Variants in CNGB3 observed in about 807,000 individuals in gnomAD.
CNGB3 encodes cyclic nucleotide gated channel subunit beta 3, also known as cyclic nucleotide-gated channel beta-3.
A neutral mutation model predicts 92.8 loss-of-function variants in CNGB3; 86 were observed. That is an observed-to-expected ratio of 0.93 (90% CI 0.78 to 1.11). The LOEUF (loss-of-function observed/expected upper bound fraction) is 1.11, where lower values mean the gene tolerates loss of function less well. Among genes scored for constraint, CNGB3 ranks in the 50% least tolerant of loss-of-function variants. CNGB3 has a pLI of 0.00. For synonymous variants in CNGB3, 333 were observed against 332.7 expected (o/e 1.00, Z -0.01); for missense variants, 1,026 against 956.8 (o/e 1.07, Z -0.95).
chr8:86,586,206 G>T (rs1164030530), intron 15 of CNGB3, among the ~76,000 whole-genome samples: 1 of 152,154 alleles, frequency 6.6e-6, no homozygotes, highest in Non-Finnish European at 1.5e-5. Context: ...CTATAAAGAT[G>T]ATTAACACCT....
At chr8:86,581,217 G>T (rs1361396711) in intron 15 of CNGB3, among the ~76,000 whole-genome samples, 1 of 152,164 alleles carries the variant, frequency 6.6e-6, no homozygotes, top group African/African-American at 2.4e-5. Flanking sequence ...GGAGAGAGAG[G>T]TGAATCCATA....
At chr8:86,610,811 A>G (rs1176106904) in intron 14 of CNGB3, among the ~76,000 whole-genome samples, 1 of 152,154 alleles carries the variant, frequency 6.6e-6, no homozygotes, top group Admixed American at 6.5e-5. Flanking sequence ...ATATGCAAAA[A>G]TATTTATCTG....
In CNGB3 at chr8:86,644,692, T is replaced by G. The variant is rs766638062; in HGVS notation, c.991-6A>C. The G allele has an allele frequency of 1.3e-6, 2 of 1,517,684 alleles. No individual in the cohort carries two copies. The highest frequency in any genetic ancestry group is 1.8e-6 in the Non-Finnish European group (2 of 1,128,684). The allele number at this position is 1,517,684 out of a possible 1,614,324, so 94.0% of individuals were successfully genotyped here. A position where few individuals can be genotyped will look rare whatever the true frequency, so the allele number is the denominator to read the frequency against. On this transcript the variant is annotated splice_region_variant and splice_polypyrimidine_tract_variant and intron_variant, in intron 8 of 17. Transcript: ENST00000320005. ...AATTCAAAAAATGAAGTGTACTATA[T>G]AGAAAAGCAAAAGAAATCCAAAAGC...
At chr8:86,584,584 C>G (rs1222496921) in intron 15 of CNGB3, among the ~76,000 whole-genome samples, 1 of 144,206 alleles carries the variant, frequency 6.9e-6, no homozygotes, top group African/African-American at 2.5e-5. Flanking sequence ...TTTTTTTTTT[C>G]ATCTTGTCCA....
rs185515820 is a variant in CNGB3, at chr8:86,731,610, A to T, written c.212-4953T>A. On this transcript the variant is annotated intron_variant, in intron 2 of 17. Coordinates refer to ENST00000320005, the MANE Select transcript of CNGB3 (RefSeq NM_019098.5). ...TAGAAAACACATTTTATATATAGGT[A>T]TTAAGGAGTGTGATGAGTTACCAGT... 1.0e-2 allele frequency among the ~76,000 whole-genome samples: 1,516 copies of T among 152,276 alleles called. 9 individuals carry two copies. The highest frequency in any genetic ancestry group is 0.013 in the Non-Finnish European group (907 of 68,024).
chr8:86,695,267 G>T (rs1476966729), intron 3 of CNGB3, among the ~76,000 whole-genome samples: 1 of 152,190 alleles, frequency 6.6e-6, no homozygotes, highest in African/African-American at 2.4e-5. Flanking sequence ...GCTTCGGCTC[G>T]GCATCAGAGG....
chr8:86,599,305 C>T (rs1051365039), intron 15 of CNGB3, among the ~76,000 whole-genome samples: 16 of 152,158 alleles, frequency 1.1e-4, no homozygotes, highest in African/African-American at 1.7e-4. Context: ...TCATCATCTT[C>T]GTAAACTGAG....
chr8:86,657,237 C>T (rs1823526994), intron 6 of CNGB3, among the ~76,000 whole-genome samples: 2 of 152,152 alleles, frequency 1.3e-5, no homozygotes, highest in Non-Finnish European at 2.9e-5. Context: ...AAAGGGTCTG[C>T]ACTTGTTTGT....
intron 15 of CNGB3, among the ~76,000 whole-genome samples, chr8:86,596,983 A>C (rs538447606): frequency 2.2e-4 from 34 of 151,686 alleles, no homozygotes; most frequent in Admixed American, 2.2e-3. Flanking sequence ...CAACGAGAAC[A>C]CATGGAGACA....
At chr8:86,576,659 C>T (rs568509664) in intron 17 of CNGB3, among the ~76,000 whole-genome samples, 3 of 152,230 alleles carry the variant, frequency 2.0e-5, no homozygotes, top group Admixed American at 6.5e-5. Context: ...TTGTACCTAT[C>T]GTGTTTAGCA....
chr8:86,700,329 T>C (rs560483611), intron 3 of CNGB3, among the ~76,000 whole-genome samples: 3 of 152,344 alleles, frequency 2.0e-5, no homozygotes, highest in African/African-American at 7.2e-5. Context: ...ATTTTTTTAA[T>C]ACTAAGAACC....
At chr8:86,620,634 C>G (rs1822706407) in intron 13 of CNGB3, among the ~76,000 whole-genome samples, 1 of 152,166 alleles carries the variant, frequency 6.6e-6, no homozygotes, top group South Asian at 2.1e-4. Context: ...ACGCATCCTT[C>G]TAGGTCCCAC....
chr8:86,680,368 G>T (rs1408530744), intron 3 of CNGB3, among the ~76,000 whole-genome samples: 1 of 152,122 alleles, frequency 6.6e-6, no homozygotes, highest in African/African-American at 2.4e-5. Flanking sequence ...TGATGTTAAT[G>T]AAAAAAACCA....
chr8:86,726,743 G>T, intron 2 of CNGB3, 86 bp from the exon 3 acceptor site: 2 of 1,499,396 alleles, frequency 1.3e-6, no homozygotes, highest in Non-Finnish European at 1.9e-6. Flanking sequence ...CAAAGATGCT[G>T]CTTGTTTTTT....
intron 15 of CNGB3, chr8:86,594,682 C>T: frequency 5.9e-6 from 1 of 168,778 alleles, no homozygotes; most frequent in South Asian, 1.1e-4. Context: ...TTGCCCCTGG[C>T]TTTAGACAGC....
chr8:86,659,097 T>C, intron 6 of CNGB3: 1 of 761,038 alleles, frequency 1.3e-6, no homozygotes. Flanking sequence ...TTCAGCGATC[T>C]GTTCCCTCAG....
At chr8:86,638,261 T>C (rs1823112931) in intron 10 of CNGB3, among the ~76,000 whole-genome samples, 1 of 152,160 alleles carries the variant, frequency 6.6e-6, no homozygotes, top group South Asian at 2.1e-4. Context: ...TTTTGAGTTG[T>C]AGGGTAGTTG....
intron 3 of CNGB3, among the ~76,000 whole-genome samples, chr8:86,691,686 G>C (rs968252543): frequency 1.3e-5 from 2 of 151,904 alleles, no homozygotes; most frequent in Non-Finnish European, 2.9e-5. Context: ...CAGTGTTTTT[G>C]TTTCATTTCT....
chr8:86,682,729 T>C (rs924485263), intron 3 of CNGB3, among the ~76,000 whole-genome samples: 1 of 152,040 alleles, frequency 6.6e-6, no homozygotes, highest in Non-Finnish European at 1.5e-5. Flanking sequence ...ACCAAGAACG[T>C]CCGAGTCAAT....
Sources: gnomAD v4.1 joint callset for allele counts (sites outside exome capture counted in the v4.1 genomes callset) on GRCh38, gnomAD v4.1.1 for gene constraint, MANE v1.5 for transcripts, NCBI Gene and HGNC (gene_info 2026-07-23, HGNC 2026-07-21) for gene names.